Variants in TENM1 observed in about 807,000 individuals in gnomAD.
TENM1 encodes teneurin-1.
Under a neutral mutation model 174.8 loss-of-function variants are expected in TENM1, and 35 were observed. That is an observed-to-expected ratio of 0.20 (90% CI 0.15 to 0.27). The LOEUF (loss-of-function observed/expected upper bound fraction) is 0.27. Among genes scored for constraint, TENM1 ranks in the 10% least tolerant of loss-of-function variants. The pLI, the probability that TENM1 is intolerant of heterozygous loss-of-function variation, is 1.00. For missense variants in TENM1, 1,633 were observed against 2,130.1 expected (o/e 0.77, Z 4.59); for synonymous variants, 781 against 798.7 (o/e 0.98, Z 0.37).
chrX:124,462,844 C>T (rs758514690), intron 22 of TENM1, among the ~76,000 whole-genome samples: 1 of 111,680 alleles, frequency 9.0e-6, no homozygotes, highest in East Asian at 2.8e-4. Flanking sequence ...TGCCAGGAGG[C>T]CAAGAACTGC....
At chrX:124,749,142 G>A (rs905900604) in intron 3 of TENM1, among the ~76,000 whole-genome samples, 1 of 111,048 alleles carries the variant, frequency 9.0e-6, no homozygotes, top group Non-Finnish European at 1.9e-5. Flanking sequence ...GAAGTCATGA[G>A]TCAATATAAG....
At chrX:124,752,647 T>C (rs1603128758) in intron 3 of TENM1, among the ~76,000 whole-genome samples, 1 of 112,081 alleles carries the variant, frequency 8.9e-6, no homozygotes, top group Non-Finnish European at 1.9e-5. Flanking sequence ...AAGTCTTTAA[T>C]CCACCTTGAA....
At chrX:125,060,177 TCTCTCACACACACA>T in the TENM1 span, among the ~76,000 whole-genome samples, 1 of 82,560 alleles carries the variant, frequency 1.2e-5, no homozygotes, top group African/African-American at 7.5e-5. Context: ...TCTCTCTCTC[TCTCTCACACACACA>T]CACACACACA....
intron 1 of TENM1, among the ~76,000 whole-genome samples, chrX:124,926,965 C>T (rs754504785): frequency 8.0e-5 from 9 of 112,131 alleles, no homozygotes; most frequent in Non-Finnish European, 1.5e-4. Flanking sequence ...ACTTGCAGTG[C>T]TCTGTGGATT....
chrX:124,945,350 T>C (rs1217199024), intron 1 of TENM1, among the ~76,000 whole-genome samples: 1 of 111,092 alleles, frequency 9.0e-6, no homozygotes, highest in Non-Finnish European at 1.9e-5. Flanking sequence ...CTCAGTGAGA[T>C]GGCGAGCCAT....
At chrX:124,475,410 C>T (rs1433269124) in intron 22 of TENM1, among the ~76,000 whole-genome samples, 1 of 111,346 alleles carries the variant, frequency 9.0e-6, no homozygotes, top group African/African-American at 3.3e-5. Context: ...TGGCCTCCCA[C>T]GATTTATCAC....
chrX:125,122,049 G>T, the TENM1 span, among the ~76,000 whole-genome samples: 1 of 112,094 alleles, frequency 8.9e-6, no homozygotes, highest in East Asian at 2.8e-4. Flanking sequence ...ATTCCAGCCT[G>T]GGTAACAGAG....
chrX:124,550,724 A>C (rs1449936790), intron 14 of TENM1, among the ~76,000 whole-genome samples: 1 of 111,702 alleles, frequency 9.0e-6, no homozygotes, highest in Non-Finnish European at 1.9e-5. Flanking sequence ...GGTAAAAAAC[A>C]AAACAAAAGA....
intron 11 of TENM1, among the ~76,000 whole-genome samples, chrX:124,591,802 A>T (rs1205578052): frequency 2.7e-5 from 3 of 112,156 alleles, no homozygotes; most frequent in Non-Finnish European, 5.6e-5. Context: ...TTTTTGAATT[A>T]TTCCCTCAAA....
At chrX:124,957,131 G>C (rs1028184572) in intron 1 of TENM1, among the ~76,000 whole-genome samples, 2 of 111,688 alleles carry the variant, frequency 1.8e-5, no homozygotes, top group African/African-American at 6.5e-5. Context: ...ACAGTACCTG[G>C]TACATAGTTT....
chrX:124,827,719 A>G (rs1214889554), intron 3 of TENM1, among the ~76,000 whole-genome samples: 1 of 111,927 alleles, frequency 8.9e-6, no homozygotes, highest in Non-Finnish European at 1.9e-5. Flanking sequence ...AGAAGTGTCA[A>G]TCGGATAAGC....
At chrX:125,201,708 T>G in the TENM1 span, among the ~76,000 whole-genome samples, 4 of 112,124 alleles carry the variant, frequency 3.6e-5, no homozygotes, top group South Asian at 1.5e-3. Flanking sequence ...AGGAATTACC[T>G]GATCCCTTTT....
intron 3 of TENM1, among the ~76,000 whole-genome samples, chrX:124,826,721 T>G (rs2056170760): frequency 3.6e-5 from 4 of 112,153 alleles, no homozygotes; most frequent in Admixed American, 1.9e-4. Context: ...TATATTTTTC[T>G]GTACTTTTGA....
the TENM1 span, among the ~76,000 whole-genome samples, chrX:125,142,314 A>G: frequency 4.5e-5 from 5 of 111,775 alleles, no homozygotes; most frequent in African/African-American, 1.3e-4. Flanking sequence ...AGTTTTTAAA[A>G]AATTTCAGTC....
At chrX:125,009,097 G>GT in the TENM1 span, among the ~76,000 whole-genome samples, 20,189 of 73,920 alleles carry the variant, frequency 0.27, 2,557 homozygotes, top group Non-Finnish European at 0.32. Context: ...TCCAGGAGCT[G>GT]TTTTTTTTTT....
chrX:124,620,267 G>A (rs1264394277), intron 11 of TENM1, among the ~76,000 whole-genome samples: 1 of 110,848 alleles, frequency 9.0e-6, no homozygotes, highest in Non-Finnish European at 1.9e-5. Flanking sequence ...ATGAATGGGG[G>A]CCTCAACCTG....
At chrX:124,963,955 G>A (rs1479877315), upstream of TENM1, 2 of 417,715 alleles carry the variant, frequency 4.8e-6, no homozygotes, top group Non-Finnish European at 8.2e-6. Flanking sequence ...CATGAAGCTA[G>A]CCGGAGGCAA....
chrX:125,200,493 T>C, the TENM1 span, among the ~76,000 whole-genome samples: 2 of 111,248 alleles, frequency 1.8e-5, no homozygotes, highest in East Asian at 5.6e-4. Context: ...TGTTAAGTGA[T>C]GGGAAGCTTT....
At chrX:124,527,209 T>C (rs188520313) in intron 16 of TENM1, among the ~76,000 whole-genome samples, 4 of 111,934 alleles carry the variant, frequency 3.6e-5, no homozygotes, top group Admixed American at 1.9e-4. Context: ...TCCTTTAGAA[T>C]AGGCTTTTTT....
Sources: allele counts gnomAD v4.1 joint callset (sites outside exome capture counted in the v4.1 genomes callset), GRCh38; gene constraint gnomAD v4.1.1; transcripts MANE v1.5; gene names NCBI Gene and HGNC (gene_info 2026-07-23, HGNC 2026-07-21).